The following LRFN5 variants were observed in gnomAD, a reference collection of about 807,000 sequenced individuals.
LRFN5 encodes the protein leucine-rich repeat and fibronectin type-III domain-containing protein 5.
LRFN5 carries 24 observed loss-of-function variants against 45.6 expected under a neutral mutation model. The observed-to-expected ratio is 0.53, with a 90% CI of 0.38 to 0.74. LRFN5 has a LOEUF of 0.74. Among genes scored for constraint, LRFN5 ranks in the 30% least tolerant of loss-of-function variants. The pLI, the probability that LRFN5 is intolerant of heterozygous loss-of-function variation, is 0.00. For synonymous variants in LRFN5, 340 were observed against 313.8 expected (o/e 1.08, Z -0.88); for missense variants, 776 against 861.5 (o/e 0.90, Z 1.24).
intron 2 of LRFN5, among the ~76,000 whole-genome samples, chr14:41,822,776 A>G (rs1888158840): frequency 1.3e-5 from 2 of 150,664 alleles, no homozygotes; most frequent in Non-Finnish European, 2.9e-5. Context: ...GTTGCTCTCC[A>G]TATATTTTAT....
At chr14:41,871,488 C>G (rs1048227315) in intron 2 of LRFN5, among the ~76,000 whole-genome samples, 1 of 151,950 alleles carries the variant, frequency 6.6e-6, no homozygotes, top group Non-Finnish European at 1.5e-5. Flanking sequence ...ATTTGGGAGT[C>G]TGAGTCAGGA....
At chr14:41,768,243 C>G (rs1363763027) in intron 2 of LRFN5, among the ~76,000 whole-genome samples, 2 of 152,080 alleles carry the variant, frequency 1.3e-5, no homozygotes, top group Non-Finnish European at 2.9e-5. Flanking sequence ...AATTATATAA[C>G]ATTTAAAATA....
At chr14:41,695,455 T>C (rs1331972798) in intron 1 of LRFN5, among the ~76,000 whole-genome samples, 1 of 151,950 alleles carries the variant, frequency 6.6e-6, no homozygotes, top group Non-Finnish European at 1.5e-5. Context: ...TCTAGGACTT[T>C]CATAGCTAAA....
At chr14:41,761,093 A>T (rs1175134360) in intron 1 of LRFN5, among the ~76,000 whole-genome samples, 1 of 152,128 alleles carries the variant, frequency 6.6e-6, no homozygotes, top group Non-Finnish European at 1.5e-5. Context: ...ATTTTTTTTC[A>T]GGTTATGGTA....
chr14:41,681,677 G>A (rs777773051), intron 1 of LRFN5, among the ~76,000 whole-genome samples: 1 of 151,832 alleles, frequency 6.6e-6, no homozygotes, highest in Non-Finnish European at 1.5e-5. Context: ...GGATGTTAAT[G>A]AGCAATAAGA....
chr14:41,703,791 A>G (rs1882935416), intron 1 of LRFN5, among the ~76,000 whole-genome samples: 1 of 152,096 alleles, frequency 6.6e-6, no homozygotes, highest in Non-Finnish European at 1.5e-5. Flanking sequence ...AAATGTAAGT[A>G]TTTTATCAGC....
At chr14:41,636,569 C>G (rs1044607202) in intron 1 of LRFN5, among the ~76,000 whole-genome samples, 8 of 151,028 alleles carry the variant, frequency 5.3e-5, no homozygotes, top group African/African-American at 1.9e-4. Flanking sequence ...ACATATGTAA[C>G]AAACCTGCAG....
intron 2 of LRFN5, among the ~76,000 whole-genome samples, chr14:41,878,726 G>A (rs1302376752): frequency 5.9e-5 from 9 of 152,024 alleles, no homozygotes; most frequent in South Asian, 2.1e-4. Context: ...TAGACAGATC[G>A]TGCTTGAAAT....
chr14:41,614,195 G>T (rs1887854003), intron 1 of LRFN5, among the ~76,000 whole-genome samples: 1 of 151,934 alleles, frequency 6.6e-6, no homozygotes. Context: ...TTAGACATTT[G>T]TACAGTAACA....
intron 2 of LRFN5, among the ~76,000 whole-genome samples, chr14:41,791,245 A>T (rs529820765): frequency 6.6e-6 from 1 of 151,920 alleles, no homozygotes; most frequent in East Asian, 1.9e-4. Flanking sequence ...GACACTCATT[A>T]TACTATGGAT....
At chr14:41,753,360 A>G (rs1207457130) in intron 1 of LRFN5, among the ~76,000 whole-genome samples, 3 of 152,170 alleles carry the variant, frequency 2.0e-5, no homozygotes, top group African/African-American at 7.2e-5. Context: ...CTTGGGCAGT[A>G]TGGCCATTTT....
At chr14:41,661,619 G>A (rs1312962344) in intron 1 of LRFN5, among the ~76,000 whole-genome samples, 3 of 152,052 alleles carry the variant, frequency 2.0e-5, no homozygotes, top group Admixed American at 6.6e-5. Context: ...GAAGAAGCCC[G>A]CTGATTAGCA....
intron 2 of LRFN5, among the ~76,000 whole-genome samples, chr14:41,781,612 GAA>G (rs758797571): frequency 3.6e-5 from 3 of 84,402 alleles, no homozygotes; most frequent in African/African-American, 1.2e-4. Context: ...AAGAAAGAAA[GAA>G]AGAGAAAGAA....
At chr14:41,766,771 C>T (rs1036004018) in intron 1 of LRFN5, 83 bp from the exon 2 acceptor site, 1 of 152,348 alleles carries the variant, frequency 6.6e-6, no homozygotes, top group Admixed American at 6.5e-5. Context: ...ATTGATCACC[C>T]AGTTAACAGC....
chr14:41,798,687 C>CT (rs1016116778), intron 2 of LRFN5, among the ~76,000 whole-genome samples: 3 of 151,788 alleles, frequency 2.0e-5, no homozygotes, highest in Admixed American at 1.3e-4. Flanking sequence ...ACTGAATTCA[C>CT]TTTTTTTTCC....
intron 3 of LRFN5, among the ~76,000 whole-genome samples, chr14:41,890,109 C>A (rs1377533683): frequency 1.3e-5 from 2 of 152,106 alleles, no homozygotes; most frequent in Non-Finnish European, 2.9e-5. Flanking sequence ...GTTGATCCAC[C>A]TGCCTTGGCC....
At chr14:41,846,284 C>G (rs140191204) in intron 2 of LRFN5, among the ~76,000 whole-genome samples, 257 of 151,990 alleles carry the variant, frequency 1.7e-3, no homozygotes, top group Non-Finnish European at 3.1e-3. Context: ...ATGAACTCAA[C>G]ATATATTTGC....
intron 2 of LRFN5, among the ~76,000 whole-genome samples, chr14:41,799,869 T>C (rs953110095): frequency 6.6e-6 from 1 of 151,862 alleles, no homozygotes; most frequent in Non-Finnish European, 1.5e-5. Context: ...AAATCCTCTT[T>C]ATAAATAGTG....
At chr14:41,617,769 G>C (rs1887975474) in intron 1 of LRFN5, among the ~76,000 whole-genome samples, 1 of 152,122 alleles carries the variant, frequency 6.6e-6, no homozygotes, top group Admixed American at 6.6e-5. Flanking sequence ...ATCTGCAGGA[G>C]GGACTGACAT....
Sources: gnomAD v4.1 joint callset for allele counts (sites outside exome capture counted in the v4.1 genomes callset) on GRCh38, gnomAD v4.1.1 for gene constraint, MANE v1.5 for transcripts, NCBI Gene and HGNC (gene_info 2026-07-23, HGNC 2026-07-21) for gene names.